SLC30A4: variants seen among roughly 807,000 people sequenced by gnomAD.
The protein encoded by SLC30A4 is solute carrier family 30 member 4.
A neutral mutation model predicts 41.7 loss-of-function variants in SLC30A4; 20 were observed. The ratio of observed to expected loss-of-function variants is 0.48; its 90% CI spans 0.34 to 0.70. SLC30A4 has a LOEUF of 0.70. Ranked by LOEUF, SLC30A4 falls within the 30% of genes least tolerant of loss-of-function variation. SLC30A4 has a pLI of 0.01. For synonymous variants in SLC30A4, 181 were observed against 195.9 expected (o/e 0.92, Z 0.64); for missense variants, 441 against 529.3 (o/e 0.83, Z 1.64).
chr15:45,494,741 G>T (rs938466116), intron 3 of SLC30A4, among the ~76,000 whole-genome samples: 1 of 152,014 alleles, frequency 6.6e-6, no homozygotes, highest in Non-Finnish European at 1.5e-5. Context: ...TTAAAAATTC[G>T]AAACTGTAGA....
intron 3 of SLC30A4, among the ~76,000 whole-genome samples, chr15:45,501,043 C>T: frequency 6.6e-6 from 1 of 151,296 alleles, no homozygotes; most frequent in East Asian, 2.0e-4. Context: ...TGCGGTGGCT[C>T]ACGCCTGTAA....
At chr15:45,507,499 CTTTTTT>C (rs527747375) in intron 3 of SLC30A4, among the ~76,000 whole-genome samples, 3 of 136,512 alleles carry the variant, frequency 2.2e-5, no homozygotes, top group African/African-American at 8.1e-5. Flanking sequence ...TTTCTTTTTC[CTTTTTT>C]TTTTTTTTGT....
At position 45,522,141 on chromosome 15, in the gene SLC30A4, C is replaced by T; in HGVS notation, c.214G>A (p.Asp72Asn). 1.2e-6 allele frequency: 2 copies of T among 1,614,240 alleles called. No individual in the cohort carries two copies. The highest frequency in any genetic ancestry group is 2.2e-5 in the East Asian group (1 of 44,886). ...TCTTGGTCCAGTAAGGAATCATCGT[C>T]GGCCTGGAGGGTCGGGTGCGCCCCG... ...VNGAHPTLQA[D>N]DDSLLDQDLP... The change falls in exon 2 of 8, where the codon GAC (aspartate) becomes AAC (asparagine). Residue 72 changes from aspartate to asparagine, a missense_variant. Asp to Asn is a conservative substitution (Grantham distance 23). Transcript: ENST00000261867.
At chr15:45,504,590 C>T (rs1032023675) in intron 3 of SLC30A4, among the ~76,000 whole-genome samples, 9 of 152,134 alleles carry the variant, frequency 5.9e-5, no homozygotes, top group Admixed American at 5.9e-4. Flanking sequence ...TTTACAGTGA[C>T]ATTTATGTAT....
At chr15:45,494,129 G>A (rs1282698900) in intron 3 of SLC30A4, among the ~76,000 whole-genome samples, 3 of 152,144 alleles carry the variant, frequency 2.0e-5, no homozygotes, top group African/African-American at 4.8e-5. Flanking sequence ...GTACTTAGGA[G>A]AGTAGTTCAC....
At chr15:45,501,169 G>A (rs1039841497) in intron 3 of SLC30A4, among the ~76,000 whole-genome samples, 61 of 151,722 alleles carry the variant, frequency 4.0e-4, no homozygotes, top group Admixed American at 2.9e-3. Context: ...TTAGCTGGGC[G>A]TGGTGGCAGG....
chr15:45,487,958 A>G (rs12437930), intron 5 of SLC30A4, among the ~76,000 whole-genome samples: 147,405 of 147,698 alleles, frequency 1, 73,556 homozygotes, highest in Middle Eastern at 1. Flanking sequence ...AAGCTGGAAA[A>G]AAGTGTGTGT....
intron 3 of SLC30A4, among the ~76,000 whole-genome samples, chr15:45,505,047 G>A (rs1042304972): frequency 6.6e-6 from 1 of 151,790 alleles, no homozygotes; most frequent in African/African-American, 2.4e-5. Flanking sequence ...CCTGGCCAAC[G>A]TGGTGAAACC....
intron 7 of SLC30A4, among the ~76,000 whole-genome samples, chr15:45,485,683 T>G (rs2140809345): frequency 6.6e-6 from 1 of 152,264 alleles, no homozygotes; most frequent in African/African-American, 2.4e-5. Context: ...AATCTAGCTT[T>G]TCCTATGTAG....
chr15:45,486,180 G>A (rs1369069665), intron 7 of SLC30A4, among the ~76,000 whole-genome samples: 2 of 150,832 alleles, frequency 1.3e-5, no homozygotes, highest in African/African-American at 4.9e-5. Flanking sequence ...GCACCACCAC[G>A]CCTAGCTAAT....
chr15:45,490,298 C>T lies in SLC30A4; in HGVS notation c.692+430G>A, dbSNP rs566447485. Among the ~76,000 whole-genome samples the T allele has an allele frequency of 6.0e-4, 92 of 152,214 alleles. 1 individual carries two copies. Among genetic ancestry groups the T allele is most frequent in the Admixed American group, 1.3e-3 (20 of 15,282 alleles). ...AGAGATGAGGTCTCACTATGTTGGC[C>T]AGGCTGTCTTGAACTCTAGAGCGCA... is the stretch of plus-strand genomic sequence containing the variant. On this transcript the variant is annotated intron_variant, in intron 4 of 7. Coordinates refer to ENST00000261867, the MANE Select transcript of SLC30A4 (RefSeq NM_013309.6).
At chr15:45,508,673 T>C (rs1475592874) in intron 3 of SLC30A4, among the ~76,000 whole-genome samples, 1 of 152,326 alleles carries the variant, frequency 6.6e-6, no homozygotes, top group East Asian at 1.9e-4. Context: ...TTTATCTTAA[T>C]GGACTCTCAG....
intron 3 of SLC30A4, among the ~76,000 whole-genome samples, chr15:45,495,691 A>AC (rs1181549236): frequency 2.0e-5 from 3 of 152,010 alleles, no homozygotes; most frequent in Non-Finnish European, 4.4e-5. Context: ...TGGCAGAAGG[A>AC]CTCCCACCCT....
Position 45,522,019 on chromosome 15 carries a change from G to A in SLC30A4, c.336C>T (p.Ala112=), listed in dbSNP as rs1223422281. ...REILKQRKVK[A]RLTIAAVLYL... Reference sequence around the variant, plus strand: ...ACAGAACGGCAGCAATGGTCAACCTGGCTTTCACCTTTCTCTGCTTCAGTA... The same window carrying A: ...ACAGAACGGCAGCAATGGTCAACCTAGCTTTCACCTTTCTCTGCTTCAGTA... Residue 112 remains alanine (A), a synonymous_variant, in exon 2 of 8, where the codon GCC becomes GCT. Coordinates refer to ENST00000261867, the MANE Select transcript of SLC30A4 (RefSeq NM_013309.6). The A allele has an allele frequency of 3.1e-6, 5 of 1,614,204 alleles. No individual in the cohort carries two copies. The African/African-American group carries it at 4.0e-5, about 13-fold the overall frequency.
chr15:45,487,360 G>T (rs1891723798), intron 6 of SLC30A4, among the ~76,000 whole-genome samples, 167 bp downstream of exon 6: 1 of 152,110 alleles, frequency 6.6e-6, no homozygotes, highest in Non-Finnish European at 1.5e-5. Flanking sequence ...TAAAAGATGG[G>T]AGAGTTCATT....
chr15:45,506,177 C>A (rs1257892850), intron 3 of SLC30A4, among the ~76,000 whole-genome samples: 1 of 152,034 alleles, frequency 6.6e-6, no homozygotes, highest in Non-Finnish European at 1.5e-5. Flanking sequence ...TGAGATCACG[C>A]CACTGCACTC....
Position 45,511,206 on chromosome 15 carries a change from G to GT in SLC30A4, c.469dup (p.Thr157AsnfsTer31). 6.2e-7 allele frequency: 1 copy of GT among 1,613,564 alleles called. No homozygotes were observed. Among genetic ancestry groups the GT allele is most frequent in the Non-Finnish European group, 8.5e-7 (1 of 1,179,584 alleles). Reference sequence around the variant, plus strand: ...TGATGATAGCCACAAAGCAAGCAGGGTGAGTATGATGGCGCTTAGGTCAGT... The same window carrying GT: ...TGATGATAGCCACAAAGCAAGCAGGGTTGAGTATGATGGCGCTTAGGTCAGT... On this transcript the variant is annotated frameshift_variant, in exon 3 of 8. Coordinates refer to ENST00000261867, the MANE Select transcript of SLC30A4 (RefSeq NM_013309.6). LOFTEE classifies it high-confidence loss of function.
At chr15:45,492,040 G>A (rs1174812617) in intron 3 of SLC30A4, among the ~76,000 whole-genome samples, 2 of 152,070 alleles carry the variant, frequency 1.3e-5, no homozygotes, top group Admixed American at 6.6e-5. Flanking sequence ...ACCGGTGGAA[G>A]TATCAAATAG....
chr15:45,510,030 C>T (rs569079539), intron 3 of SLC30A4, among the ~76,000 whole-genome samples: 2 of 152,180 alleles, frequency 1.3e-5, no homozygotes, highest in South Asian at 4.1e-4. Context: ...TGAGATCACA[C>T]CACTGCACTC....
Sources: allele counts gnomAD v4.1 joint callset (sites outside exome capture counted in the v4.1 genomes callset), GRCh38; gene constraint gnomAD v4.1.1; transcripts MANE v1.5; gene names NCBI Gene and HGNC (gene_info 2026-07-23, HGNC 2026-07-21).